The following CDCA7L variants were observed in gnomAD, a reference collection of about 807,000 sequenced individuals.
CDCA7L encodes cell division cycle associated 7 like.
A neutral mutation model predicts 57.4 loss-of-function variants in CDCA7L; 44 were observed. The ratio of observed to expected loss-of-function variants is 0.77; its 90% CI spans 0.60 to 0.98. The LOEUF (loss-of-function observed/expected upper bound fraction) is 0.98, where lower values mean the gene tolerates loss of function less well. Among genes scored for constraint, CDCA7L ranks in the 50% least tolerant of loss-of-function variants. CDCA7L has a pLI of 0.00. For missense variants in CDCA7L, 644 were observed against 580.6 expected, an observed-to-expected ratio of 1.11 and a Z score of -1.12; for synonymous variants, 236 against 202.8, an observed-to-expected ratio of 1.16 and a Z score of -1.39.
intron 1 of CDCA7L, among the ~76,000 whole-genome samples, chr7:21,935,282 A>T (rs956467640): frequency 6.6e-6 from 1 of 152,244 alleles, no homozygotes; most frequent in Admixed American, 6.5e-5. Flanking sequence ...ACATATTCCT[A>T]AACAACCATG....
intron 9 of CDCA7L, 28 bp downstream of exon 9, chr7:21,902,950 T>C: frequency 6.2e-7 from 1 of 1,606,216 alleles, no homozygotes; most frequent in Non-Finnish European, 8.5e-7. Flanking sequence ...TTTCAAGCTG[T>C]TTTGTAAGCT....
chr7:21,924,031 C>A (rs763906421), intron 1 of CDCA7L, among the ~76,000 whole-genome samples: 6 of 152,148 alleles, frequency 3.9e-5, no homozygotes, highest in Non-Finnish European at 8.8e-5. Flanking sequence ...AAGTATTTAC[C>A]TTTGAAAATA....
In CDCA7L at chr7:21,945,860, C is replaced by G; in HGVS notation, c.-56G>C. ...GCACGCGGCCACGGGAGCCCGGACT[C>G]ACCACGGCCCGGCGCACCAAGAACG... On this transcript the variant is annotated 5_prime_UTR_variant, in exon 1 of 10. Transcript: ENST00000406877. 1 of 1,554,106 alleles carries G rather than the reference C, an allele frequency of 6.4e-7. No homozygotes were observed. Among genetic ancestry groups the G allele is most frequent in the Non-Finnish European group, 8.7e-7 (1 of 1,151,550 alleles).
At chr7:21,908,644 C>T in intron 3 of CDCA7L, 137 bp from the exon 4 acceptor site, 1 of 953,124 alleles carries the variant, frequency 1.0e-6, no homozygotes, top group Non-Finnish European at 1.5e-6. Context: ...TATGAGTTCC[C>T]TCTGAATTTC....
chr7:21,915,687 C>T lies in CDCA7L; in HGVS notation c.165+1067G>A, dbSNP rs984017173. On this transcript the variant is annotated intron_variant, in intron 2 of 9. Transcript: ENST00000406877. ...CACACACACACACAAATTAGCCAGG[C>T]GTGGTGGTGGGAGCCTGTAATCCCA... 2.1e-5 allele frequency among the ~76,000 whole-genome samples: 3 copies of T among 146,288 alleles called. No individual in the cohort carries two copies. The East Asian group carries it at 6.0e-4, about 29-fold the overall frequency.
At chr7:21,915,515 A>G (rs1785452292) in intron 2 of CDCA7L, among the ~76,000 whole-genome samples, 1 of 152,026 alleles carries the variant, frequency 6.6e-6, no homozygotes, top group Non-Finnish European at 1.5e-5. Context: ...AACAAAAAGC[A>G]GGCCAGGTAC....
chr7:21,906,756 T>C, intron 4 of CDCA7L, 117 bp from the exon 5 acceptor site: 1 of 874,894 alleles, frequency 1.1e-6, no homozygotes, highest in Non-Finnish European at 1.9e-6. Context: ...TTGAATAGTT[T>C]ATATAACCCA....
chr7:21,917,918 G>A (rs545481326), intron 1 of CDCA7L, among the ~76,000 whole-genome samples: 4 of 77,114 alleles, frequency 5.2e-5, no homozygotes, highest in Non-Finnish European at 8.9e-5. Context: ...ACGATTTACT[G>A]TAACTCTATA....
intron 8 of CDCA7L, 92 bp from the exon 9 acceptor site, chr7:21,903,206 T>C: frequency 1.6e-6 from 2 of 1,233,360 alleles, no homozygotes; most frequent in Non-Finnish European, 2.3e-6. Context: ...AGCTGGCCTC[T>C]CCTCCAACCT....
At chr7:21,902,893 A>G in intron 9 of CDCA7L, 85 bp downstream of exon 9, 1 of 1,281,478 alleles carries the variant, frequency 7.8e-7, no homozygotes, top group Non-Finnish European at 1.1e-6. Flanking sequence ...TCACACGGGA[A>G]GGCAACAACT....
rs1345517473 is a variant in CDCA7L, at chr7:21,916,866, T to C, written c.53A>G (p.Asn18Ser). 1.2e-6 allele frequency: 2 copies of C among 1,613,966 alleles called. No individual in the cohort carries two copies. Among genetic ancestry groups the C allele is most frequent in the Non-Finnish European group, 1.7e-6 (2 of 1,179,986 alleles). ...AAACTCTTCATCATCACTGGGGGCG[T>C]TAAAGATGTCAGCCACTTCTTTAGG... Reference protein sequence around the residue: ...QIPKEVADIFNAPSDDEEFVG... With the variant: ...QIPKEVADIFSAPSDDEEFVG... Residue 18 changes from asparagine (N) to serine (S), a missense_variant, in exon 2 of 10, where the codon AAC (asparagine) becomes AGC (serine). By Grantham distance (46) the Asn-to-Ser change is conservative. Coordinates refer to ENST00000406877, the MANE Select transcript of CDCA7L (RefSeq NM_018719.5).
chr7:21,905,392 G>C, intron 7 of CDCA7L, 114 bp downstream of exon 7: 1 of 1,198,674 alleles, frequency 8.3e-7, no homozygotes, highest in South Asian at 1.4e-5. Context: ...TTCAGAGCCT[G>C]GCTCTGAGCC....
At chr7:21,933,243 C>T (rs1039074337) in intron 1 of CDCA7L, among the ~76,000 whole-genome samples, 1 of 152,098 alleles carries the variant, frequency 6.6e-6, no homozygotes, top group Non-Finnish European at 1.5e-5. Context: ...GACAGTGTGG[C>T]GATTCCTCAA....
Position 21,945,767 on chromosome 7 carries a change from G to A in CDCA7L, c.24+14C>T, listed in dbSNP as rs779243104. 3.1e-6 allele frequency: 5 copies of A among 1,598,408 alleles called. No homozygotes were observed. The Admixed American group carries it at 5.1e-5, about 16-fold the overall frequency. ...TGGGTGCGTCCGGACGGCGGCGGGC[G>A]GCCGGACCCTCACCTGGTAGCGAGT... On this transcript the variant is annotated intron_variant, in intron 1 of 9. Coordinates refer to ENST00000406877, the MANE Select transcript of CDCA7L (RefSeq NM_018719.5).
Position 21,905,508 on chromosome 7 carries a change from G to C in CDCA7L, c.1045C>G (p.Leu349Val). The C allele has an allele frequency of 6.2e-7, 1 of 1,613,266 alleles. No homozygotes were observed. Among genetic ancestry groups the C allele is most frequent in the Non-Finnish European group, 8.5e-7 (1 of 1,179,674 alleles). The stretch of plus-strand genomic sequence containing the variant: ...ATGACAATTAATGTATACTTTACCA[G>C]AACTTTATCATAGATTTTATCTCGA... ...TVRDKIYDKV[L>V]GNTCHQCRQK... The change falls in exon 7 of 10, where the codon CTG becomes GTG. Residue 349 changes from leucine to valine, a missense_variant and splice_region_variant. Leu to Val is a conservative substitution (Grantham distance 32, BLOSUM62 1). Transcript: ENST00000406877.
At chr7:21,945,556 T>C (rs1342854608) in intron 1 of CDCA7L, among the ~76,000 whole-genome samples, 5 of 150,726 alleles carry the variant, frequency 3.3e-5, no homozygotes, top group South Asian at 2.1e-4. Context: ...CTGAGCGCGG[T>C]TGTGTGCTGG....
chr7:21,912,859 T>G (rs902426804), intron 2 of CDCA7L, among the ~76,000 whole-genome samples: 2 of 152,218 alleles, frequency 1.3e-5, no homozygotes, highest in Non-Finnish European at 2.9e-5. Flanking sequence ...TTTCTAATAC[T>G]TTTTCTTTTG....
intron 7 of CDCA7L, among the ~76,000 whole-genome samples, chr7:21,904,918 CTGAGGGGCAATGAGCCT>C (rs1280483408): frequency 1.3e-5 from 2 of 152,184 alleles, no homozygotes; most frequent in Non-Finnish European, 2.9e-5. Context: ...TGACAGGTGA[CTGAGGGGCAATGAGCCT>C]TGGGTGGCAT....
chr7:21,920,996 A>C (rs1158134829), intron 1 of CDCA7L, among the ~76,000 whole-genome samples: 4 of 152,180 alleles, frequency 2.6e-5, no homozygotes, highest in Non-Finnish European at 4.4e-5. Context: ...GGTTTAAAGG[A>C]GGAGGAGCAC....
Sources: gnomAD v4.1 joint callset for allele counts (sites outside exome capture counted in the v4.1 genomes callset) on GRCh38, gnomAD v4.1.1 for gene constraint, MANE v1.5 for transcripts, NCBI Gene and HGNC (gene_info 2026-07-23, HGNC 2026-07-21) for gene names.